Variants in KRT23 observed in about 807,000 individuals in gnomAD.
The protein encoded by KRT23 is keratin 23.
Under a neutral mutation model 47.6 loss-of-function variants are expected in KRT23, and 38 were observed. The observed-to-expected ratio is 0.80, with a 90% CI of 0.62 to 1.05. The LOEUF (loss-of-function observed/expected upper bound fraction) is 1.05. Among genes scored for constraint, KRT23 ranks in the 50% least tolerant of loss-of-function variants. The pLI, the probability that KRT23 is intolerant of heterozygous loss-of-function variation, is 0.00. For synonymous variants in KRT23, 191 were observed against 199.0 expected (o/e 0.96, Z 0.34); for missense variants, 503 against 529.5 (o/e 0.95, Z 0.49).
chr17:40,934,245 G>T (rs1309882931), intron 2 of KRT23, among the ~76,000 whole-genome samples: 2 of 152,176 alleles, frequency 1.3e-5, no homozygotes, highest in African/African-American at 4.8e-5. Flanking sequence ...AAATGAGGGA[G>T]GTTGGGGTAG....
intron 3 of KRT23, 133 bp from the exon 4 acceptor site, chr17:40,930,229 C>CT (rs1476156360): frequency 7.0e-6 from 5 of 710,908 alleles, no homozygotes; most frequent in African/African-American, 5.3e-5. Context: ...TATAGGATGT[C>CT]TTTTTTATGC....
intron 6 of KRT23, among the ~76,000 whole-genome samples, chr17:40,926,518 T>C (rs1909233600): frequency 6.6e-6 from 1 of 152,126 alleles, no homozygotes; most frequent in Non-Finnish European, 1.5e-5. Context: ...GCTCCCTACA[T>C]TGCTCCCAGG....
chr17:40,928,845 G>C, intron 4 of KRT23, among the ~76,000 whole-genome samples: 1 of 152,004 alleles, frequency 6.6e-6, no homozygotes, highest in African/African-American at 2.4e-5. Flanking sequence ...GACCAGCATG[G>C]AGAAACCCTG....
Position 40,924,454 on chromosome 17 carries a change from A to G in KRT23, c.1174+18T>C. 1 of 1,604,732 alleles carries G rather than the reference A, an allele frequency of 6.2e-7. No homozygotes were observed. The highest frequency in any genetic ancestry group is 8.5e-7 in the Non-Finnish European group (1 of 1,171,662). ...TTCCTTAAAAACAGAGATTCAAACAATGAAGGAAATTTTTTACCTTTCATG... is the reference window on the plus strand; with the variant it reads ...TTCCTTAAAAACAGAGATTCAAACAGTGAAGGAAATTTTTTACCTTTCATG... On this transcript the variant is annotated intron_variant, in intron 8 of 8. Coordinates refer to ENST00000209718, the MANE Select transcript of KRT23 (RefSeq NM_015515.5).
rs1234222896 is a variant in KRT23, at chr17:40,930,002, G to T, written c.574C>A (p.Leu192Ile). The T allele has an allele frequency of 1.9e-6, 3 of 1,614,138 alleles. No individual in the cohort carries two copies. Among genetic ancestry groups the T allele is most frequent in the East Asian group, 2.2e-5 (1 of 44,882 alleles). ...LDNLTIVTTD[L>I]EQEVEGMRKE... ...CTCATTCCTTCCACCTCCTGTTCTA[G>T]GTCTGTTGTGACAATGGTCAGGTTG... The change falls in exon 4 of 9, where the codon CTA becomes ATA. Residue 192 changes from leucine (L) to isoleucine (I), a missense_variant. Physicochemically the swap from Leu to Ile is conservative, Grantham distance 5. Transcript: ENST00000209718.
Position 40,928,512 on chromosome 17 carries a change from C to T in KRT23, c.732G>A (p.Met244Ile), listed in dbSNP as rs748666009. 1.2e-6 allele frequency: 2 copies of T among 1,614,120 alleles called. No individual in the cohort carries two copies. Among genetic ancestry groups the T allele is most frequent in the Non-Finnish European group, 1.7e-6 (2 of 1,180,006 alleles). Residue 244 changes from methionine to isoleucine, a missense_variant, in exon 5 of 9, where the codon ATG becomes ATA. Transcript: ENST00000209718. Reference protein sequence around the residue: ...REDLIKVLEDMRQEYELIIKK... With the variant: ...REDLIKVLEDIRQEYELIIKK... ...TTATTATAAGCTCATATTCTTGTCT[C>T]ATATCCTCCAGGACCTTAATCAGAT...
chr17:40,930,195 G>C (rs557990435), intron 3 of KRT23, 99 bp from the exon 4 acceptor site: 19 of 1,139,872 alleles, frequency 1.7e-5, no homozygotes, highest in Non-Finnish European at 1.3e-5. Flanking sequence ...TACTTTTTAG[G>C]TTTAAAGAGA....
At chr17:40,933,719 G>A (rs1909854583) in intron 2 of KRT23, among the ~76,000 whole-genome samples, 1 of 152,140 alleles carries the variant, frequency 6.6e-6, no homozygotes, top group South Asian at 2.1e-4. Context: ...CCATTATTCA[G>A]GCTTACTTAG....
rs185032575 is a variant in KRT23 at position 40,932,460 on chromosome 17, C to G, written c.397-1005G>C. ...TCAAAAGTGTAATAATGCTTTTACG[C>G]CAAGTGTTGTGCTGGACTAGAAACT... is the stretch of plus-strand genomic sequence containing the variant. On this transcript the variant is annotated intron_variant, in intron 2 of 8. Transcript: ENST00000209718. Among the ~76,000 whole-genome samples, 39 of 152,220 alleles carry G rather than the reference C, an allele frequency of 2.6e-4. No individual in the cohort carries two copies. In the East Asian group the frequency reaches 6.6e-3, roughly 26 times the overall value.
intron 2 of KRT23, 55 bp downstream of exon 2, chr17:40,936,152 AG>A: frequency 6.3e-7 from 1 of 1,598,248 alleles, no homozygotes; most frequent in Non-Finnish European, 8.5e-7. Context: ...TTTCCTCCCG[AG>A]GGTCCCCTGG....
chr17:40,936,710 G>A lies in KRT23; in HGVS notation c.-107C>T, dbSNP rs1432647942. ...GATGGTTTTATGGCCTTTGCTGTGG[G>A]AGTTCCCTTCTCTGACAATTGTACC... On this transcript the variant is annotated 5_prime_UTR_variant, in exon 2 of 9. Transcript: ENST00000209718. 1.4e-5 allele frequency: 14 copies of A among 1,025,368 alleles called. No individual in the cohort carries two copies. Among genetic ancestry groups the A allele is most frequent in the African/African-American group, 1.6e-5 (1 of 61,020 alleles). The allele number at this position is 1,025,368 out of a possible 1,614,324, so 63.5% of individuals were successfully genotyped here. A position where few individuals can be genotyped will look rare whatever the true frequency, so the allele number is the denominator to read the frequency against.
At chr17:40,924,553 TA>T in intron 7 of KRT23, 50 bp from the exon 8 acceptor site, 1 of 1,445,454 alleles carries the variant, frequency 6.9e-7, no homozygotes, top group Non-Finnish European at 9.7e-7. Flanking sequence ...GCAACAATCA[TA>T]ACAACTTCTC....
chr17:40,930,566 C>T (rs989719489), intron 3 of KRT23, among the ~76,000 whole-genome samples: 29 of 151,984 alleles, frequency 1.9e-4, no homozygotes, highest in African/African-American at 7.0e-4. Flanking sequence ...GAGATTGAGA[C>T]CATCCTGGCC....
chr17:40,925,241 C>G, intron 7 of KRT23, 113 bp downstream of exon 7: 1 of 875,992 alleles, frequency 1.1e-6, no homozygotes, highest in South Asian at 1.5e-5. Context: ...TAGCTCAACA[C>G]AACTTTTCTC....
rs1312198460 is a variant in KRT23 at position 40,936,506 on chromosome 17, G to A, written c.98C>T (p.Thr33Ile). 1 of 1,534,632 alleles carries A rather than the reference G, an allele frequency of 6.5e-7. No homozygotes were observed. The highest frequency in any genetic ancestry group is 2.1e-5 in the Admixed American group (1 of 47,142). ...GGCTCCCCCCGCACCGCCATGGACG[G>A]TGGGAGCCCTGGGGAAGCTCCTGGG... ...GRPRSFPRAP[T>I]VHGGAGGARI... Residue 33 changes from threonine to isoleucine, a missense_variant, in exon 2 of 9, where the codon ACC becomes ATC. Thr to Ile is a moderately conservative substitution (Grantham distance 89, BLOSUM62 -1). Coordinates refer to ENST00000209718, the MANE Select transcript of KRT23 (RefSeq NM_015515.5).
At chr17:40,935,636 A>C (rs1910010156) in intron 2 of KRT23, among the ~76,000 whole-genome samples, 1 of 152,202 alleles carries the variant, frequency 6.6e-6, no homozygotes, top group African/African-American at 2.4e-5. Context: ...CACAAACGGA[A>C]ATATCTAGGG....
At position 40,928,244 on chromosome 17, in the gene KRT23, G is replaced by A; in HGVS notation, c.915C>T (p.Tyr305=). 2.5e-6 allele frequency: 4 copies of A among 1,614,152 alleles called. No homozygotes were observed. The highest frequency in any genetic ancestry group is 3.4e-6 in the Non-Finnish European group (4 of 1,180,036). The part of the protein sequence containing the change: ...QALEIDLQTQ[Y]STKSALENML... ...TTTCCTAGCCTTGACTCACCGTGCTGTACTGTGTCTGCAGGTCAATCTCCA... is the reference window on the plus strand; with the variant it reads ...TTTCCTAGCCTTGACTCACCGTGCTATACTGTGTCTGCAGGTCAATCTCCA... The change falls in exon 6 of 9, where the codon TAC becomes TAT. Residue 305 remains tyrosine, a synonymous_variant. Transcript: ENST00000209718.
In KRT23 at chr17:40,936,364, G is replaced by C; in HGVS notation, c.240C>G (p.Asn80Lys). Residue 80 changes from asparagine to lysine, a missense_variant, in exon 2 of 9, where the codon AAC becomes AAG. By Grantham distance (94) the Asn-to-Lys change is moderately conservative. Transcript: ENST00000209718. The part of the protein sequence containing the change: ...GNGKATMQNL[N>K]DRLASYLEKV... ...TCTCCAGGTAGGAGGCCAGGCGGTC[G>C]TTGAGATTCTGCATGGTGGCCTTCC... is the stretch of plus-strand genomic sequence containing the variant. The C allele has an allele frequency of 6.2e-7, 1 of 1,614,208 alleles. No individual in the cohort carries two copies. Among genetic ancestry groups the C allele is most frequent in the Non-Finnish European group, 8.5e-7 (1 of 1,180,022 alleles).
At chr17:40,929,784 A>C (rs1207419206) in intron 4 of KRT23, 156 bp downstream of exon 4, 1 of 565,354 alleles carries the variant, frequency 1.8e-6, no homozygotes, top group East Asian at 2.9e-5. Context: ...TGAAATTAGA[A>C]ACATTAGATA....
Sources: allele counts gnomAD v4.1 joint callset (sites outside exome capture counted in the v4.1 genomes callset), GRCh38; gene constraint gnomAD v4.1.1; transcripts MANE v1.5; gene names NCBI Gene and HGNC (gene_info 2026-07-23, HGNC 2026-07-21).